Variants in SUPT3H observed in about 807,000 individuals in gnomAD.
The protein encoded by SUPT3H is transcription initiation protein SPT3 homolog.
A neutral mutation model predicts 44.3 loss-of-function variants in SUPT3H; 44 were observed. The ratio of observed to expected loss-of-function variants is 0.99; its 90% CI spans 0.78 to 1.28. The LOEUF is 1.28. SUPT3H is among the 50% of genes most tolerant of loss of function. The pLI is 0.00. For missense variants in SUPT3H, 380 were observed against 387.1 expected (o/e 0.98, Z 0.15); for synonymous variants, 124 against 125.6 (o/e 0.99, Z 0.09).
At chr6:44,909,886 A>C (rs901221784) in intron 10 of SUPT3H, among the ~76,000 whole-genome samples, 1 of 152,252 alleles carries the variant, frequency 6.6e-6, no homozygotes, top group East Asian at 1.9e-4. Flanking sequence ...ATGAAGTTTA[A>C]AACACAATAA....
At chr6:45,112,798 C>T (rs895843609) in intron 2 of SUPT3H, among the ~76,000 whole-genome samples, 11 of 152,114 alleles carry the variant, frequency 7.2e-5, no homozygotes, top group Non-Finnish European at 1.5e-4. Context: ...CATCTAGAAA[C>T]CAAACATAAA....
intron 2 of SUPT3H, among the ~76,000 whole-genome samples, chr6:45,240,571 TG>T (rs1770107124): frequency 6.6e-6 from 1 of 152,182 alleles, no homozygotes; most frequent in Non-Finnish European, 1.5e-5. Flanking sequence ...CTTACTTGTT[TG>T]GGAAGATTGC....
At chr6:45,124,353 A>T (rs376757651) in intron 2 of SUPT3H, among the ~76,000 whole-genome samples, 2 of 152,274 alleles carry the variant, frequency 1.3e-5, no homozygotes, top group East Asian at 3.9e-4. Context: ...CAGTTGAAAA[A>T]TTGTACTGGC....
chr6:45,020,640 T>C lies in SUPT3H; in HGVS notation c.187-8A>G, dbSNP rs757603264. On this transcript the variant is annotated splice_region_variant and splice_polypyrimidine_tract_variant and intron_variant, in intron 3 of 10. Transcript: ENST00000371459. ...TTCAGCAGCTTGCTGTAACTAACAA[T>C]AATGAAAATTTAGAAATTTTTCTCA... 3.7e-6 allele frequency: 6 copies of C among 1,606,602 alleles called. No homozygotes were observed. The highest frequency in any genetic ancestry group is 1.3e-5 in the African/African-American group (1 of 74,574).
At chr6:44,812,198 T>C (rs562618500) in intron 11 of SUPT3H, among the ~76,000 whole-genome samples, 21 of 152,370 alleles carry the variant, frequency 1.4e-4, no homozygotes, top group African/African-American at 5.0e-4. Context: ...CTCATTAGAC[T>C]AAAATCAGTG....
At chr6:44,891,819 T>C (rs936262097) in intron 10 of SUPT3H, among the ~76,000 whole-genome samples, 7 of 151,346 alleles carry the variant, frequency 4.6e-5, no homozygotes, top group Non-Finnish European at 8.8e-5. Context: ...AGATGGTTGA[T>C]GGAGAATGGA....
chr6:45,086,090 C>T (rs1796439873), intron 3 of SUPT3H, among the ~76,000 whole-genome samples: 1 of 152,004 alleles, frequency 6.6e-6, no homozygotes, highest in Non-Finnish European at 1.5e-5. Flanking sequence ...CTGTCACTGA[C>T]TTTGTAAAGT....
At chr6:45,164,124 G>A (rs996902059) in intron 2 of SUPT3H, among the ~76,000 whole-genome samples, 2 of 152,124 alleles carry the variant, frequency 1.3e-5, no homozygotes, top group African/African-American at 4.8e-5. Flanking sequence ...ACACAGAGAT[G>A]CCCACCAGAG....
At chr6:44,961,278 G>A (rs1384538919) in intron 7 of SUPT3H, among the ~76,000 whole-genome samples, 1 of 152,186 alleles carries the variant, frequency 6.6e-6, no homozygotes, top group East Asian at 1.9e-4. Flanking sequence ...GCCACGGTAG[G>A]AGGTTAGACA....
chr6:44,952,398 C>T (rs1420521949), intron 9 of SUPT3H, among the ~76,000 whole-genome samples: 1 of 152,170 alleles, frequency 6.6e-6, no homozygotes, highest in Non-Finnish European at 1.5e-5. Flanking sequence ...ACAACTACTT[C>T]TTAGAAATGA....
intron 3 of SUPT3H, among the ~76,000 whole-genome samples, chr6:45,047,882 T>A (rs1233496486): frequency 6.6e-6 from 1 of 152,116 alleles, no homozygotes; most frequent in Non-Finnish European, 1.5e-5. Context: ...GTTGGCCATT[T>A]CTATGTCTTA....
chr6:44,901,371 C>A (rs894004608), intron 10 of SUPT3H, among the ~76,000 whole-genome samples: 2 of 152,020 alleles, frequency 1.3e-5, no homozygotes, highest in African/African-American at 4.8e-5. Context: ...AACTACGTGA[C>A]GAATGCACAA....
At position 44,828,995 on chromosome 6, in the gene SUPT3H, G is replaced by A. The variant is rs1768136988; in HGVS notation, c.*821C>T. 6.6e-6 allele frequency: 1 copy of A among 152,604 alleles called. No homozygotes were observed. The highest frequency in any genetic ancestry group is 1.5e-5 in the Non-Finnish European group (1 of 68,032). 9.5% of individuals were successfully genotyped at this position (152,604 alleles called of 1,614,324 possible). A position where few individuals can be genotyped will look rare whatever the true frequency, so the allele number is the denominator to read the frequency against. On this transcript the variant is annotated 3_prime_UTR_variant, in exon 11 of 11. Transcript: ENST00000371459. ...GCTGCTAACAGCAAGAAATTACCCA[G>A]CCCACATTTCCAGTCTAGGTGTGGT...
intron 2 of SUPT3H, among the ~76,000 whole-genome samples, chr6:45,348,674 C>CAA (rs574845659): frequency 1.5e-3 from 115 of 75,984 alleles, no homozygotes; most frequent in Middle Eastern, 8.1e-3. Context: ...AACTCCAACT[C>CAA]AAAAAAAAAA....
chr6:45,289,245 T>A (rs1415291694), intron 2 of SUPT3H, among the ~76,000 whole-genome samples: 1 of 152,116 alleles, frequency 6.6e-6, no homozygotes, highest in Non-Finnish European at 1.5e-5. Context: ...GGAATTTTTA[T>A]ATCCCTACCA....
At chr6:44,870,941 G>A (rs1223895666) in intron 10 of SUPT3H, among the ~76,000 whole-genome samples, 5 of 151,602 alleles carry the variant, frequency 3.3e-5, no homozygotes, top group East Asian at 3.9e-4. Flanking sequence ...TTTTCAGACC[G>A]GCTTAAAAAA....
exon 12 of SUPT3H, chr6:44,809,378 G>T (rs1213228200): frequency 6.6e-6 from 1 of 152,198 alleles, no homozygotes; most frequent in African/African-American, 2.4e-5. Context: ...TTGATAGGGT[G>T]GTTGCCTAAG....
At chr6:45,157,604 A>C (rs1192873457) in intron 2 of SUPT3H, among the ~76,000 whole-genome samples, 1 of 151,912 alleles carries the variant, frequency 6.6e-6, no homozygotes, top group Non-Finnish European at 1.5e-5. Flanking sequence ...GCTGGAGTGC[A>C]GTGGCACTAT....
chr6:45,174,493 G>C (rs1811355945), intron 2 of SUPT3H, among the ~76,000 whole-genome samples: 1 of 152,032 alleles, frequency 6.6e-6, no homozygotes, highest in South Asian at 2.1e-4. Flanking sequence ...CCATGCGGCA[G>C]GTTAAGAATC....
Sources: allele counts gnomAD v4.1 joint callset (sites outside exome capture counted in the v4.1 genomes callset), GRCh38; gene constraint gnomAD v4.1.1; transcripts MANE v1.5; gene names NCBI Gene and HGNC (gene_info 2026-07-23, HGNC 2026-07-21).